COL4A2: variants seen among roughly 807,000 people sequenced by gnomAD.
COL4A2 encodes collagen alpha-2(IV) chain.
COL4A2 carries 99 observed loss-of-function variants against 200.2 expected under a neutral mutation model. That is an observed-to-expected ratio of 0.49 (90% confidence interval 0.42 to 0.58). The LOEUF is 0.58. Ranked by LOEUF, COL4A2 falls within the 20% of genes least tolerant of loss-of-function variation. The probability of loss-of-function intolerance (pLI) is 0.00; values close to 1 mark genes in which losing one functional copy is unlikely to be tolerated. For synonymous variants in COL4A2, 897 were observed against 900.6 expected, an observed-to-expected ratio of 1.00 and a Z score of 0.07; for missense variants, 1,950 against 2,314.1, an observed-to-expected ratio of 0.84 and a Z score of 3.23.
chr13:110,363,301 C>CT (rs2139394226), intron 4 of COL4A2, among the ~76,000 whole-genome samples: 1 of 152,284 alleles, frequency 6.6e-6, no homozygotes, highest in East Asian at 1.9e-4. Context: ...TAAGCAGTGG[C>CT]TGAGTGCTTA....
chr13:110,403,451 G>T (rs1879447840), intron 4 of COL4A2, among the ~76,000 whole-genome samples: 1 of 152,144 alleles, frequency 6.6e-6, no homozygotes. Context: ...CAAATTCTTT[G>T]CTGCTTTGTG....
At chr13:110,470,654 C>T (rs759630890) in intron 28 of COL4A2, among the ~76,000 whole-genome samples, 9 of 152,278 alleles carry the variant, frequency 5.9e-5, no homozygotes, top group African/African-American at 1.9e-4. Flanking sequence ...CTGAATAAAG[C>T]GCTCCCCATG....
rs1983930 is a variant in COL4A2, at chr13:110,484,820, T to C, written c.2903-85T>C. On this transcript the variant is annotated intron_variant, in intron 32 of 47. Coordinates refer to ENST00000360467, the MANE Select transcript of COL4A2 (RefSeq NM_001846.4). ...CCTGCTTGGGGGAGACGTGCAGCCCTATGGCTCAGGGACCAGGCCTTCACC... is the reference window on the plus strand; with the variant it reads ...CCTGCTTGGGGGAGACGTGCAGCCCCATGGCTCAGGGACCAGGCCTTCACC... 1,466,537 of 1,467,388 alleles carry C rather than the reference T, an allele frequency of 1. 732,847 individuals carry two copies. The highest frequency in any genetic ancestry group is 1 in the South Asian group (67,240 of 67,240). 90.9% of individuals were successfully genotyped at this position (1,467,388 alleles called of 1,614,324 possible).
intron 4 of COL4A2, among the ~76,000 whole-genome samples, chr13:110,415,234 T>C (rs563487269): frequency 6.6e-6 from 1 of 152,258 alleles, no homozygotes; most frequent in South Asian, 2.1e-4. Context: ...TGTCTGTTAA[T>C]GACACACCAA....
At chr13:110,447,623 C>T (rs879682693) in intron 18 of COL4A2, among the ~76,000 whole-genome samples, 8 of 152,154 alleles carry the variant, frequency 5.3e-5, no homozygotes, top group Admixed American at 1.3e-4. Flanking sequence ...CTTTGCGGAT[C>T]ATTGGCCCAT....
intron 24 of COL4A2, among the ~76,000 whole-genome samples, chr13:110,465,135 G>T (rs184051647): frequency 1.3e-5 from 2 of 152,314 alleles, no homozygotes; most frequent in Admixed American, 6.5e-5. Flanking sequence ...GCTGATGCAG[G>T]GGAGCTGGCG....
At chr13:110,388,637 A>G (rs1449981251) in intron 4 of COL4A2, among the ~76,000 whole-genome samples, 1 of 152,034 alleles carries the variant, frequency 6.6e-6, no homozygotes, top group Admixed American at 6.6e-5. Context: ...ATGAGTCAGC[A>G]AAAAAAATTA....
At chr13:110,443,772 T>C (rs1025054598) in intron 16 of COL4A2, among the ~76,000 whole-genome samples, 9 of 152,184 alleles carry the variant, frequency 5.9e-5, no homozygotes, top group African/African-American at 1.9e-4. Context: ...CGGCGGAGCC[T>C]CCACTGGGTC....
At position 110,467,307 on chromosome 13, in the gene COL4A2, T is replaced by C. The variant is rs9521790; in HGVS notation, c.2095+211T>C. On this transcript the variant is annotated intron_variant, in intron 27 of 47. Coordinates refer to ENST00000360467, the MANE Select transcript of COL4A2 (RefSeq NM_001846.4). The stretch of plus-strand genomic sequence containing the variant: ...AAGGAGTCTGGTAGCTGACACTTAG[T>C]TGGGGCCAGGCTAGAAGAGAAAATT... Among the ~76,000 whole-genome samples, 90,456 of 152,140 alleles carry C rather than the reference T, an allele frequency of 0.59. 27,754 individuals are homozygous for C. Among genetic ancestry groups the C allele is most frequent in the Middle Eastern group, 0.74 (218 of 294 alleles).
intron 32 of COL4A2, 94 bp from the exon 33 acceptor site, chr13:110,484,811 G>A (rs547340445): frequency 6.0e-5 from 87 of 1,458,462 alleles, no homozygotes; most frequent in East Asian, 4.6e-4. Flanking sequence ...TGGGGGAGAC[G>A]TGCAGCCCTA....
chr13:110,445,838 G>A lies in COL4A2; in HGVS notation c.967G>A (p.Gly323Ser). Residue 323 changes from glycine (G) to serine (S), a missense_variant, in exon 17 of 48, where the codon GGC (glycine) becomes AGC (serine). Transcript: ENST00000360467. Reference protein sequence around the residue: ...KGSPGQKGSRGLDGYQGPDGP... With the variant: ...KGSPGQKGSRSLDGYQGPDGP... ...AATATCTTTCTTGCAGGGAAGCCGA[G>A]GCCTGGATGGCTATCAAGGGCCTGA... 6.2e-7 allele frequency: 1 copy of A among 1,614,164 alleles called. No homozygotes were observed. Among genetic ancestry groups the A allele is most frequent in the Non-Finnish European group, 8.5e-7 (1 of 1,180,022 alleles).
At chr13:110,428,366 G>C in intron 6 of COL4A2, 101 bp from the exon 7 acceptor site, 5 of 708,226 alleles carry the variant, frequency 7.1e-6, no homozygotes, top group Middle Eastern at 2.6e-4. Context: ...GATTCATGCC[G>C]GGAACATGGC....
intron 45 of COL4A2, among the ~76,000 whole-genome samples, chr13:110,504,765 C>T (rs1883783014): frequency 6.6e-6 from 1 of 151,656 alleles, no homozygotes; most frequent in African/African-American, 2.4e-5. Flanking sequence ...GCCCCCATAC[C>T]CAGCTAACTT....
At chr13:110,420,807 C>T (rs1234516969) in intron 4 of COL4A2, among the ~76,000 whole-genome samples, 3 of 152,170 alleles carry the variant, frequency 2.0e-5, no homozygotes, top group Non-Finnish European at 4.4e-5. Context: ...GGAGAAGCTC[C>T]ATCCTGATGA....
chr13:110,379,971 C>G (rs1299592816), intron 4 of COL4A2, among the ~76,000 whole-genome samples: 3 of 152,222 alleles, frequency 2.0e-5, no homozygotes, highest in Admixed American at 6.5e-5. Flanking sequence ...CCAGGCAGCT[C>G]TCTCCCGTGT....
At chr13:110,399,674 G>T (rs1260733962) in intron 4 of COL4A2, among the ~76,000 whole-genome samples, 1 of 152,146 alleles carries the variant, frequency 6.6e-6, no homozygotes, top group Non-Finnish European at 1.5e-5. Context: ...TTCAAAAATT[G>T]TCTAAATTTG....
At chr13:110,429,772 T>C (rs1415467151) in intron 7 of COL4A2, 113 bp from the exon 8 acceptor site, 7 of 1,005,378 alleles carry the variant, frequency 7.0e-6, no homozygotes, top group Non-Finnish European at 1.1e-5. Context: ...ATAAGAACAA[T>C]TAGACCTTGC....
intron 15 of COL4A2, 135 bp downstream of exon 15, chr13:110,438,803 C>CG: frequency 3.2e-6 from 2 of 624,490 alleles, no homozygotes; most frequent in South Asian, 2.0e-5. Context: ...TTACTCCCCA[C>CG]CCCCCCCCAC....
intron 4 of COL4A2, among the ~76,000 whole-genome samples, chr13:110,367,116 T>C (rs887068202): frequency 2.6e-5 from 4 of 152,164 alleles, no homozygotes; most frequent in Non-Finnish European, 5.9e-5. Context: ...AGGAACCCAA[T>C]GTAAGCCCTG....
Sources: allele counts gnomAD v4.1 joint callset (sites outside exome capture counted in the v4.1 genomes callset), GRCh38; gene constraint gnomAD v4.1.1; transcripts MANE v1.5; gene names NCBI Gene and HGNC (gene_info 2026-07-23, HGNC 2026-07-21).